BTBD3: variants seen among roughly 807,000 people sequenced by gnomAD.
The protein encoded by BTBD3 is BTB/POZ domain-containing protein 3.
In BTBD3, 14 loss-of-function variants were observed where a neutral mutation model predicts 41.6. That is an observed-to-expected ratio of 0.34 (90% CI 0.22 to 0.53). BTBD3 has a LOEUF of 0.53. BTBD3 is among the 20% of genes least tolerant of loss of function. BTBD3 has a pLI of 0.95. For synonymous variants in BTBD3, 249 were observed against 233.7 expected, an observed-to-expected ratio of 1.07 and a Z score of -0.60; for missense variants, 426 against 654.7, an observed-to-expected ratio of 0.65 and a Z score of 3.81.
chr20:11,920,588 CTTCTTTA>C (rs2122315592), intron 3 of BTBD3, among the ~76,000 whole-genome samples: 1 of 152,272 alleles, frequency 6.6e-6, no homozygotes, highest in East Asian at 1.9e-4. Context: ...ATAGAATCAG[CTTCTTTA>C]TCATGTACGG....
At chr20:11,891,230 C>G (rs1475486691) in intron 1 of BTBD3, 1 of 151,772 alleles carries the variant, frequency 6.6e-6, no homozygotes, top group South Asian at 2.1e-4. Flanking sequence ...GTCCTGGTGC[C>G]GGGGGCGGAG....
chr20:11,909,629 A>AT (rs1182995564), intron 1 of BTBD3: 2 of 152,170 alleles, frequency 1.3e-5, no homozygotes, highest in African/African-American at 4.8e-5. Context: ...CAAAATAACT[A>AT]TATTTCATTC....
Position 11,922,806 on chromosome 20 carries a change from G to C in BTBD3, c.709G>C (p.Glu237Gln), listed in dbSNP as rs2056982397. The change falls in exon 4 of 4, where the codon GAG (glutamate) becomes CAG (glutamine). Residue 237 changes from glutamate to glutamine, a missense_variant. Glu to Gln is a conservative substitution (Grantham distance 29). Coordinates refer to ENST00000378226, the MANE Select transcript of BTBD3 (RefSeq NM_014962.4). Reference protein sequence around the residue: ...VLLSQSCLFEEPDLTQRCWEV... With the variant: ...VLLSQSCLFEQPDLTQRCWEV... ...CCTCTCCCAGAGCTGCCTGTTCGAG[G>C]AGCCAGACCTGACCCAGCGTTGCTG... 1 of 1,614,086 alleles carries C rather than the reference G, an allele frequency of 6.2e-7. No homozygotes were observed. Among genetic ancestry groups the C allele is most frequent in the South Asian group, 1.1e-5 (1 of 91,086 alleles).
intron 1 of BTBD3, among the ~76,000 whole-genome samples, chr20:11,901,419 C>T (rs1479246915): frequency 1.3e-5 from 2 of 152,252 alleles, no homozygotes; most frequent in Admixed American, 1.3e-4. Flanking sequence ...GTGGAGGGAG[C>T]GTGCACATGT....
chr20:11,916,768 G>T (rs919910566), upstream of BTBD3, among the ~76,000 whole-genome samples: 2 of 152,136 alleles, frequency 1.3e-5, no homozygotes, highest in South Asian at 4.1e-4. Context: ...ATTTGCCTGA[G>T]GGGTAGCAAA....
At chr20:11,918,744 A>G (rs1297887426) in intron 1 of BTBD3, 143 bp downstream of exon 1, 8 of 923,352 alleles carry the variant, frequency 8.7e-6, no homozygotes, top group Non-Finnish European at 1.3e-5. Flanking sequence ...ATTGCCTTGT[A>G]TCTTTTCCAA....
chr20:11,916,441 C>T (rs1172448083), upstream of BTBD3, among the ~76,000 whole-genome samples: 1 of 152,124 alleles, frequency 6.6e-6, no homozygotes, highest in Non-Finnish European at 1.5e-5. Flanking sequence ...CTGTTGAGAA[C>T]ATGATAATCA....
At chr20:11,914,478 C>G (rs187799375), upstream of BTBD3, among the ~76,000 whole-genome samples, 101 of 152,192 alleles carry the variant, frequency 6.6e-4, no homozygotes, top group Middle Eastern at 0.01. Flanking sequence ...GCCAATTTCA[C>G]CGACAGCTTG....
chr20:11,911,005 C>T (rs958452687), intron 1 of BTBD3, among the ~76,000 whole-genome samples: 150 of 152,260 alleles, frequency 9.9e-4, no homozygotes, highest in African/African-American at 3.4e-3. Context: ...ATCATCTTGC[C>T]TGGTTAAGGA....
intron 1 of BTBD3, among the ~76,000 whole-genome samples, chr20:11,912,207 G>A (rs1176697055): frequency 1.3e-5 from 2 of 152,142 alleles, no homozygotes; most frequent in African/African-American, 4.8e-5. Flanking sequence ...GGTCATTGTC[G>A]AGAGAGGCCA....
At position 11,922,945 on chromosome 20, in the gene BTBD3, T is replaced by C; in HGVS notation, c.848T>C (p.Ile283Thr). ...LRRETLNAKEIVVFEAALNWA... is the reference protein window; with the variant it reads ...LRRETLNAKETVVFEAALNWA... The stretch of plus-strand genomic sequence containing the variant: ...AGGGAAACTCTGAATGCCAAAGAAA[T>C]TGTGGTTTTTGAGGCAGCTCTCAAC... Residue 283 changes from isoleucine (I) to threonine (T), a missense_variant, in exon 4 of 4, where the codon ATT becomes ACT. This residue lies in a region of BTBD3 where 321 missense variants were observed against 534.8 expected (regional missense o/e 0.60). Transcript: ENST00000378226. 6.2e-7 allele frequency: 1 copy of C among 1,614,158 alleles called. No homozygotes were observed.
chr20:11,922,133 A>G (rs1461035170), intron 3 of BTBD3, among the ~76,000 whole-genome samples: 1 of 152,246 alleles, frequency 6.6e-6, no homozygotes, highest in Non-Finnish European at 1.5e-5. Flanking sequence ...ATTGCAGTCC[A>G]TACTTTTGAT....
At chr20:11,896,102 G>A (rs1364542653) in intron 1 of BTBD3, among the ~76,000 whole-genome samples, 3 of 152,154 alleles carry the variant, frequency 2.0e-5, no homozygotes, top group Non-Finnish European at 2.9e-5. Context: ...AAAAAATACC[G>A]GATCATGTTA....
At chr20:11,919,920 C>A in intron 3 of BTBD3, 84 bp downstream of exon 3, 14 of 1,196,482 alleles carry the variant, frequency 1.2e-5, no homozygotes, top group Non-Finnish European at 1.7e-5. Flanking sequence ...TTAAGTTCTG[C>A]ATAACAGAAA....
At chr20:11,910,343 G>A (rs1429443288) in intron 1 of BTBD3, 1 of 152,156 alleles carries the variant, frequency 6.6e-6, no homozygotes, top group African/African-American at 2.4e-5. Flanking sequence ...GCCAACAAAT[G>A]ACCTGGAGAA....
chr20:11,909,559 A>T (rs1321033882), intron 1 of BTBD3: 1 of 152,122 alleles, frequency 6.6e-6, no homozygotes, highest in East Asian at 1.9e-4. Flanking sequence ...CCACAGCAAG[A>T]TTTCTCAGAT....
chr20:11,893,072 T>TC (rs397866230), intron 1 of BTBD3, among the ~76,000 whole-genome samples: 6 of 152,084 alleles, frequency 3.9e-5, no homozygotes, highest in Non-Finnish European at 8.8e-5. Context: ...TTTTTTTTTT[T>TC]AATGCTCAAA....
chr20:11,905,896 C>A (rs2056850466), intron 1 of BTBD3, among the ~76,000 whole-genome samples: 1 of 152,128 alleles, frequency 6.6e-6, no homozygotes, highest in African/African-American at 2.4e-5. Flanking sequence ...GTTCTACTTA[C>A]TTTCTTAACC....
At chr20:11,910,897 T>C (rs528521972) in intron 1 of BTBD3, among the ~76,000 whole-genome samples, 1 of 152,346 alleles carries the variant, frequency 6.6e-6, no homozygotes, top group South Asian at 2.1e-4. Flanking sequence ...GTTGTCATAG[T>C]AGCAGTCTCA....
Sources: allele counts gnomAD v4.1 joint callset (sites outside exome capture counted in the v4.1 genomes callset), GRCh38; gene constraint gnomAD v4.1.1; regional missense constraint gnomAD v4.1.1; transcripts MANE v1.5; gene names NCBI Gene and HGNC (gene_info 2026-07-23, HGNC 2026-07-21).